The following ELP2 variants were observed in gnomAD, a reference collection of about 807,000 sequenced individuals.
The protein encoded by ELP2 is elongator acetyltransferase complex subunit 2, also known as elongator complex protein 2.
In ELP2, 90 loss-of-function variants were observed where a neutral mutation model predicts 119.2. That is an observed-to-expected ratio of 0.75 (90% CI 0.64 to 0.90). The LOEUF is 0.90. ELP2 is among the 40% of genes least tolerant of loss of function. The probability of loss-of-function intolerance (pLI) is 0.00; values close to 1 mark genes in which losing one functional copy is unlikely to be tolerated. For synonymous variants in ELP2, 339 were observed against 331.0 expected (o/e 1.02, Z -0.26); for missense variants, 921 against 967.8 (o/e 0.95, Z 0.64).
intron 18 of ELP2, chr18:36,165,201 T>G (rs1301394850): frequency 6.5e-6 from 1 of 154,134 alleles, no homozygotes. Flanking sequence ...ATATTAGGCA[T>G]CCATCTGGAT....
rs765494313 is a variant in ELP2 at position 36,146,004 on chromosome 18, A to G, written c.949A>G (p.Ile317Val). The G allele has an allele frequency of 5.6e-6, 9 of 1,614,070 alleles. No individual in the cohort carries two copies. Among genetic ancestry groups the G allele is most frequent in the Non-Finnish European group, 7.6e-6 (9 of 1,179,930 alleles). ...LLSASMDKTMILWAPDEESGV... is the reference protein window; with the variant it reads ...LLSASMDKTMVLWAPDEESGV... ...ATCTGCTTCCATGGATAAAACCATG[A>G]TTCTCTGGGCTCCAGATGAAGAGTC... is the stretch of plus-strand genomic sequence containing the variant. The change falls in exon 10 of 22, where the codon ATT (isoleucine) becomes GTT (valine). Residue 317 changes from isoleucine (I) to valine (V), a missense_variant. Ile to Val is a conservative substitution (Grantham distance 29). Transcript: ENST00000358232.
intron 3 of ELP2, among the ~76,000 whole-genome samples, chr18:36,136,998 G>A (rs1361825312): frequency 7.4e-6 from 1 of 134,556 alleles, no homozygotes; most frequent in African/African-American, 2.8e-5. Flanking sequence ...GTTTTTTCAG[G>A]GGGTAATGAC....
chr18:36,149,600 A>AT (rs1296802414), intron 11 of ELP2, among the ~76,000 whole-genome samples: 4 of 150,644 alleles, frequency 2.7e-5, no homozygotes, highest in Non-Finnish European at 5.9e-5. Context: ...TAAAAAAAAA[A>AT]TTTTTTTGAG....
rs2089702403 is a variant in ELP2, at chr18:36,133,316, TG to T, written c.217+1del. On this transcript the variant is annotated splice_donor_variant, in intron 2 of 21. Transcript: ENST00000358232. LOFTEE classifies it high-confidence loss of function. ...ACAGTGGATTTGTAAACAGGATGGC[TG>T]TAAGTATTAACCAGATTTTAAAGTT... 6.2e-7 allele frequency: 1 copy of T among 1,609,730 alleles called. No individual in the cohort carries two copies. The highest frequency in any genetic ancestry group is 1.3e-5 in the African/African-American group (1 of 74,838).
chr18:36,166,255 G>A (rs2090892102), intron 18 of ELP2, among the ~76,000 whole-genome samples: 1 of 151,016 alleles, frequency 6.6e-6, no homozygotes, highest in Non-Finnish European at 1.5e-5. Context: ...ATGGATTATG[G>A]AGTAATAATA....
Sources: gnomAD v4.1 joint callset for allele counts (sites outside exome capture counted in the v4.1 genomes callset) on GRCh38, gnomAD v4.1.1 for gene constraint, MANE v1.5 for transcripts, NCBI Gene and HGNC (gene_info 2026-07-23, HGNC 2026-07-21) for gene names.